Variants in ACKR3 observed in about 807,000 individuals in gnomAD.
ACKR3 encodes the protein C-X-C chemokine receptor type 7.
ACKR3 carries 6 observed loss-of-function variants against 22.4 expected under a neutral mutation model. That is an observed-to-expected ratio of 0.27 (90% CI 0.15 to 0.53). The LOEUF (loss-of-function observed/expected upper bound fraction) is 0.53, where lower values mean the gene tolerates loss of function less well. Ranked by LOEUF, ACKR3 falls within the 20% of genes least tolerant of loss-of-function variation. The probability of loss-of-function intolerance (pLI) is 0.96; values close to 1 mark genes in which losing one functional copy is unlikely to be tolerated. For missense variants in ACKR3, 396 were observed against 475.2 expected (o/e 0.83, Z 1.55); for synonymous variants, 209 against 205.2 (o/e 1.02, Z -0.16).
At chr2:236,541,067 C>G in the ACKR3 span, among the ~76,000 whole-genome samples, 1 of 147,162 alleles carries the variant, frequency 6.8e-6, no homozygotes, top group African/African-American at 2.7e-5. Context: ...CTGACCCTGT[C>G]TCTGGGCTAA....
At chr2:236,562,136 A>C in the ACKR3 span, among the ~76,000 whole-genome samples, 1 of 152,250 alleles carries the variant, frequency 6.6e-6, no homozygotes, top group Non-Finnish European at 1.5e-5. Context: ...TACATGTCGA[A>C]TATCAAATTG....
At chr2:236,571,167 C>T (rs1691299656) in intron 1 of ACKR3, among the ~76,000 whole-genome samples, 1 of 152,218 alleles carries the variant, frequency 6.6e-6, no homozygotes, top group South Asian at 2.1e-4. Flanking sequence ...GCTTGCCCTT[C>T]TTTCATCAGA....
the ACKR3 span, among the ~76,000 whole-genome samples, chr2:236,549,043 A>G: frequency 2.0e-4 from 30 of 152,156 alleles, no homozygotes; most frequent in Non-Finnish European, 3.7e-4. The surrounding 1 kb of genome is among the most constrained non-coding windows in gnomAD (Gnocchi z 5.3). Flanking sequence ...TCCACCTTGG[A>G]AGGAACCTGA....
chr2:236,539,643 A>C, the ACKR3 span, among the ~76,000 whole-genome samples: 2 of 152,160 alleles, frequency 1.3e-5, no homozygotes, highest in Admixed American at 6.5e-5. Flanking sequence ...GGCATGAGCC[A>C]CCACATCCAG....
Position 236,581,459 on chromosome 2 carries a change from T to C in ACKR3, c.994T>C (p.Phe332Leu). The C allele has an allele frequency of 6.2e-7, 1 of 1,614,190 alleles. No individual in the cohort carries two copies. Among genetic ancestry groups the C allele is most frequent in the Non-Finnish European group, 8.5e-7 (1 of 1,180,022 alleles). ...GTACGAGCTGATGAAGGCCTTCATC[T>C]TCAAGTACTCGGCCAAAACAGGGCT... The part of the protein sequence containing the change: ...YRYELMKAFI[F>L]KYSAKTGLTK... Residue 332 changes from phenylalanine (F) to leucine (L), a missense_variant, in exon 2 of 2, where the codon TTC becomes CTC. Physicochemically the swap from Phe to Leu is conservative, Grantham distance 22. Transcript: ENST00000272928. The surrounding 1 kb of genome is among the most constrained non-coding windows in gnomAD (Gnocchi z 4.4).
At chr2:236,561,944 A>G in the ACKR3 span, among the ~76,000 whole-genome samples, 3 of 152,202 alleles carry the variant, frequency 2.0e-5, no homozygotes, top group East Asian at 3.8e-4. Flanking sequence ...TTTCTTTCCA[A>G]TCCATATGGC....
the ACKR3 span, among the ~76,000 whole-genome samples, chr2:236,558,397 A>G: frequency 6.6e-6 from 1 of 152,168 alleles, no homozygotes; most frequent in Non-Finnish European, 1.5e-5. Flanking sequence ...AGGAATGGCT[A>G]AGGGTGATGG....
chr2:236,553,120 G>T, the ACKR3 span, among the ~76,000 whole-genome samples: 1 of 152,346 alleles, frequency 6.6e-6, no homozygotes, highest in African/African-American at 2.4e-5. Flanking sequence ...TTGCGGAGGA[G>T]ATCCAGTTGC....
chr2:236,566,931 T>TTGCCTGCC (rs144814142), upstream of ACKR3, among the ~76,000 whole-genome samples: 1 of 142,890 alleles, frequency 7.0e-6, no homozygotes, highest in Non-Finnish European at 1.5e-5. Flanking sequence ...CAAGGAGGAT[T>TTGCCTGCC]TGCCTGCCTG....
upstream of ACKR3, among the ~76,000 whole-genome samples, chr2:236,564,308 G>C (rs1359173577): frequency 6.6e-6 from 1 of 152,224 alleles, no homozygotes; most frequent in Non-Finnish European, 1.5e-5. Context: ...TGCAACTGGG[G>C]CTCTTGAGCC....
In ACKR3 at chr2:236,577,137, C is replaced by T. The variant is rs868021342; in HGVS notation, c.-26-3303C>T. ...TGACTGGTGGTTAATGATTGAGGATCGGTGATCGGTGAGTGATGATAGGTG... is the reference window on the plus strand; with the variant it reads ...TGACTGGTGGTTAATGATTGAGGATTGGTGATCGGTGAGTGATGATAGGTG... On this transcript the variant is annotated intron_variant, in intron 1 of 1. Transcript: ENST00000272928. The surrounding 1 kb of genome is among the most constrained non-coding windows in gnomAD (Gnocchi z 5.6). Among the ~76,000 whole-genome samples the T allele has an allele frequency of 2.6e-5, 4 of 152,106 alleles. No individual in the cohort carries two copies. Among genetic ancestry groups the T allele is most frequent in the Non-Finnish European group, 4.4e-5 (3 of 67,978 alleles).
the ACKR3 span, among the ~76,000 whole-genome samples, chr2:236,555,438 C>T: frequency 6.6e-6 from 1 of 152,108 alleles, no homozygotes; most frequent in African/African-American, 2.4e-5. Flanking sequence ...ATAACTGACC[C>T]GTTTTGCTGG....
the ACKR3 span, among the ~76,000 whole-genome samples, chr2:236,543,941 G>GTATATATATATATATA: frequency 3.5e-5 from 2 of 57,760 alleles, no homozygotes; most frequent in Non-Finnish European, 8.8e-5. Flanking sequence ...TGGGAGAAGG[G>GTATATATATATATATA]TATATATATA....
chr2:236,545,413 G>A, the ACKR3 span, among the ~76,000 whole-genome samples: 1 of 152,186 alleles, frequency 6.6e-6, no homozygotes, highest in East Asian at 1.9e-4. The surrounding 1 kb of genome is among the most constrained non-coding windows in gnomAD (Gnocchi z 5.3). Flanking sequence ...ACATCACGTA[G>A]AAACTCAGGG....
chr2:236,578,722 T>G (rs1275403398), intron 1 of ACKR3, among the ~76,000 whole-genome samples: 1 of 152,216 alleles, frequency 6.6e-6, no homozygotes, highest in Non-Finnish European at 1.5e-5. Context: ...TTCTCACTTT[T>G]CAGGGATTCT....
chr2:236,563,547 A>G (rs1691117580), upstream of ACKR3, among the ~76,000 whole-genome samples: 1 of 152,206 alleles, frequency 6.6e-6, no homozygotes, highest in South Asian at 2.1e-4. Flanking sequence ...TCAAAATAAT[A>G]AGGAGGTGGC....
At chr2:236,543,968 T>A in the ACKR3 span, among the ~76,000 whole-genome samples, 1 of 66,224 alleles carries the variant, frequency 1.5e-5, no homozygotes, top group Admixed American at 1.2e-4. Flanking sequence ...TATATATATA[T>A]ATATATATAT....
At chr2:236,544,562 T>C in the ACKR3 span, among the ~76,000 whole-genome samples, 7 of 151,940 alleles carry the variant, frequency 4.6e-5, no homozygotes, top group African/African-American at 1.7e-4. This position sits in a 1 kb window ranked among gnomAD's most constrained non-coding sequence, Gnocchi z 5.0. Context: ...GTAGCTTGGG[T>C]TGGAGAGCTC....
At chr2:236,543,525 T>C in the ACKR3 span, among the ~76,000 whole-genome samples, 1 of 152,150 alleles carries the variant, frequency 6.6e-6, no homozygotes, top group Non-Finnish European at 1.5e-5. Context: ...GAGAGAGTTA[T>C]TGATATGTCG....
Sources: allele counts gnomAD v4.1 joint callset (sites outside exome capture counted in the v4.1 genomes callset), GRCh38; gene constraint gnomAD v4.1.1; non-coding constraint Gnocchi (gnomAD v3.1); transcripts MANE v1.5; gene names NCBI Gene and HGNC (gene_info 2026-07-23, HGNC 2026-07-21).